The following CERS6 variants were observed in gnomAD, a reference collection of about 807,000 sequenced individuals.
CERS6 encodes the protein ceramide synthase 6.
A neutral mutation model predicts 56.8 loss-of-function variants in CERS6; 26 were observed. The observed-to-expected ratio is 0.46, with a 90% CI of 0.34 to 0.63. The LOEUF is 0.63. Among genes scored for constraint, CERS6 ranks in the 30% least tolerant of loss-of-function variants. The pLI is 0.01. For synonymous variants in CERS6, 164 were observed against 173.3 expected (o/e 0.95, Z 0.42); for missense variants, 415 against 467.5 (o/e 0.89, Z 1.04).
intron 3 of CERS6, among the ~76,000 whole-genome samples, chr2:168,572,971 A>C (rs1158365227): frequency 3.3e-5 from 5 of 152,196 alleles, no homozygotes; most frequent in Non-Finnish European, 2.9e-5. Context: ...TAATTAGAGA[A>C]AGCTTGAGTT....
rs796851717 is a variant in CERS6, at chr2:168,775,041, ATTAT to A, written c.*5381_*5384del. ...TTGCTGATTTTTATATGAAAATATAATTATTCATTCTTGATCTCTGGAAGCAATC... is the reference window on the plus strand; with the variant it reads ...TTGCTGATTTTTATATGAAAATATAATCATTCTTGATCTCTGGAAGCAATC... On this transcript the variant is annotated 3_prime_UTR_variant, in exon 10 of 10. Coordinates refer to ENST00000305747, the MANE Select transcript of CERS6 (RefSeq NM_203463.3). 4 of 152,284 alleles carry A rather than the reference ATTAT, an allele frequency of 2.6e-5. No individual in the cohort carries two copies. Among genetic ancestry groups the A allele is most frequent in the South Asian group, 2.1e-4 (1 of 4,830 alleles). 9.4% of individuals were successfully genotyped at this position (152,284 alleles called of 1,614,324 possible).
intron 8 of CERS6, among the ~76,000 whole-genome samples, chr2:168,720,954 G>A (rs529651458): frequency 5.2e-4 from 79 of 152,196 alleles, no homozygotes; most frequent in Middle Eastern, 3.4e-3. Context: ...GCTATGCTTC[G>A]TGGCCAGTGA....
At chr2:168,652,889 GAAGA>G (rs1459315628) in intron 4 of CERS6, among the ~76,000 whole-genome samples, 1 of 152,198 alleles carries the variant, frequency 6.6e-6, no homozygotes, top group African/African-American at 2.4e-5. Flanking sequence ...AAAAGTAAAT[GAAGA>G]GTCATGTTGA....
intron 1 of CERS6, among the ~76,000 whole-genome samples, chr2:168,527,521 T>C (rs913084023): frequency 1.3e-5 from 2 of 152,176 alleles, no homozygotes; most frequent in African/African-American, 4.8e-5. Flanking sequence ...TGCAAAGAAT[T>C]AAATTTATTT....
chr2:168,564,494 C>T (rs1225054892), intron 3 of CERS6, among the ~76,000 whole-genome samples: 1 of 152,218 alleles, frequency 6.6e-6, no homozygotes, highest in Non-Finnish European at 1.5e-5. Flanking sequence ...TGTTGTGACA[C>T]TTTAAAACTT....
At chr2:168,528,758 G>A (rs13029687) in intron 1 of CERS6, among the ~76,000 whole-genome samples, 64,739 of 152,140 alleles carry the variant, frequency 0.43, 15,066 homozygotes, top group South Asian at 0.72. Context: ...GAGAGAAGCT[G>A]TGTGTTCTAG....
intron 6 of CERS6, among the ~76,000 whole-genome samples, chr2:168,702,316 A>G (rs919151118): frequency 1.6e-4 from 25 of 152,302 alleles, no homozygotes; most frequent in African/African-American, 5.8e-4. Context: ...TTTTTTTCAT[A>G]GAACCCCATT....
At chr2:168,716,397 G>T (rs1180511898) in intron 7 of CERS6, among the ~76,000 whole-genome samples, 1 of 152,096 alleles carries the variant, frequency 6.6e-6, no homozygotes, top group South Asian at 2.1e-4. Context: ...TTCATTGCCT[G>T]TGGAGATGGC....
intron 3 of CERS6, among the ~76,000 whole-genome samples, chr2:168,599,095 A>C (rs1320418965): frequency 6.6e-6 from 1 of 152,082 alleles, no homozygotes; most frequent in Non-Finnish European, 1.5e-5. Flanking sequence ...GGCATAACCT[A>C]CTCTTCTGCC....
chr2:168,611,837 T>C (rs1185313453), intron 3 of CERS6, among the ~76,000 whole-genome samples: 1 of 152,216 alleles, frequency 6.6e-6, no homozygotes, highest in African/African-American at 2.4e-5. Flanking sequence ...CTCATTTACG[T>C]GACGTACTGC....
intron 8 of CERS6, among the ~76,000 whole-genome samples, chr2:168,721,177 G>C (rs1016704034): frequency 3.9e-5 from 6 of 152,152 alleles, no homozygotes; most frequent in African/African-American, 1.4e-4. Context: ...CTTACATTTT[G>C]TGGTCATTTT....
At chr2:168,740,042 G>A (rs1204352813) in intron 8 of CERS6, among the ~76,000 whole-genome samples, 2 of 151,988 alleles carry the variant, frequency 1.3e-5, no homozygotes, top group Non-Finnish European at 2.9e-5. Flanking sequence ...AGCTCTCCAG[G>A]TCCAATTAGG....
chr2:168,774,883 G>T lies in CERS6; in HGVS notation c.*5221G>T, dbSNP rs1208618174. 1 of 152,018 alleles carries T rather than the reference G, an allele frequency of 6.6e-6. No homozygotes were observed. Among genetic ancestry groups the T allele is most frequent in the African/African-American group, 2.4e-5 (1 of 41,384 alleles). 9.4% of individuals were successfully genotyped at this position (152,018 alleles called of 1,614,324 possible). The stretch of plus-strand genomic sequence containing the variant: ...GTTTGGATTTGATTTTTTTCAACTT[G>T]CAGTGAGAAATAGGATAGGTGACAA... On this transcript the variant is annotated 3_prime_UTR_variant, in exon 10 of 10. Transcript: ENST00000305747.
intron 6 of CERS6, among the ~76,000 whole-genome samples, chr2:168,704,754 G>A (rs113720338): frequency 4.6e-5 from 7 of 152,072 alleles, no homozygotes; most frequent in African/African-American, 1.2e-4. Flanking sequence ...CTACAGGTGC[G>A]TGCCACCACA....
chr2:168,464,172 TTTTGTGTG>T (rs1573999555), intron 1 of CERS6, among the ~76,000 whole-genome samples: 3 of 68,906 alleles, frequency 4.4e-5, no homozygotes, highest in African/African-American at 1.5e-4. Context: ...TATTTATACT[TTTTGTGTG>T]TGTGTGTGTG....
intron 8 of CERS6, among the ~76,000 whole-genome samples, chr2:168,744,653 A>G (rs1181710030): frequency 6.6e-6 from 1 of 152,250 alleles, no homozygotes; most frequent in Admixed American, 6.5e-5. Flanking sequence ...TAAAGTGGAT[A>G]GAGGAGGAGG....
rs1491560615 is a variant in CERS6, at chr2:168,574,414, GTC to G, written c.407+13093_407+13094del. The stretch of plus-strand genomic sequence containing the variant: ...TGTGTGTGTGTGTGTGTGTGTGTGT[GTC>G]AAGCATTTACTATCTGCTGGGTTCT... On this transcript the variant is annotated intron_variant, in intron 3 of 9. Coordinates refer to ENST00000305747, the MANE Select transcript of CERS6 (RefSeq NM_203463.3). 1.2e-3 allele frequency among the ~76,000 whole-genome samples: 164 copies of G among 134,716 alleles called. 3 individuals are homozygous for G. Among genetic ancestry groups the G allele is most frequent in the East Asian group, 0.012 (54 of 4,498 alleles). 88.4% of individuals were successfully genotyped at this position (134,716 alleles called of 152,430 possible).
chr2:168,683,563 T>C (rs2105352964), intron 4 of CERS6, among the ~76,000 whole-genome samples: 1 of 152,350 alleles, frequency 6.6e-6, no homozygotes, highest in Middle Eastern at 3.4e-3. Flanking sequence ...ATTGTCAGAT[T>C]CTACATTGGC....
At chr2:168,597,290 T>C (rs571950039) in intron 3 of CERS6, among the ~76,000 whole-genome samples, 1 of 152,166 alleles carries the variant, frequency 6.6e-6, no homozygotes, top group African/African-American at 2.4e-5. Flanking sequence ...GTATACAATT[T>C]ATATAATATT....
Sources: allele counts gnomAD v4.1 joint callset (sites outside exome capture counted in the v4.1 genomes callset), GRCh38; gene constraint gnomAD v4.1.1; transcripts MANE v1.5; gene names NCBI Gene and HGNC (gene_info 2026-07-23, HGNC 2026-07-21).